XKR6: variants seen among roughly 807,000 people sequenced by gnomAD.
XKR6 encodes XK related 6.
A neutral mutation model predicts 56.7 loss-of-function variants in XKR6; 22 were observed. The observed-to-expected ratio is 0.39, with a 90% CI of 0.28 to 0.55. XKR6 has a LOEUF of 0.55. XKR6 is among the 20% of genes least tolerant of loss of function. The pLI is 0.66. For synonymous variants in XKR6, 524 were observed against 387.8 expected (o/e 1.35, Z -4.13); for missense variants, 852 against 889.0 (o/e 0.96, Z 0.53).
intron 1 of XKR6, among the ~76,000 whole-genome samples, chr8:11,144,608 G>C (rs1035505567): frequency 8.6e-5 from 13 of 151,972 alleles, no homozygotes; most frequent in African/African-American, 3.1e-4. Context: ...GTTACCTGTG[G>C]GTAACTGTCC....
At position 11,158,461 on chromosome 8, in the gene XKR6, C is replaced by T. The variant is rs1020872883; in HGVS notation, c.764+42115G>A. On this transcript the variant is annotated intron_variant, in intron 1 of 2. Transcript: ENST00000416569. ...AGGGCCTGGCAAGAAATCAGACAACCGGATTTTCACTCTGCTTCAGGAGCT... is the reference window on the plus strand; with the variant it reads ...AGGGCCTGGCAAGAAATCAGACAACTGGATTTTCACTCTGCTTCAGGAGCT... 1.1e-4 allele frequency among the ~76,000 whole-genome samples: 16 copies of T among 152,148 alleles called. No homozygotes were observed. The East Asian group carries it at 2.9e-3, about 27-fold the overall frequency.
At chr8:10,979,090 C>G (rs1015313989) in intron 1 of XKR6, among the ~76,000 whole-genome samples, 4 of 152,122 alleles carry the variant, frequency 2.6e-5, no homozygotes, top group African/African-American at 9.6e-5. Context: ...TTCAATGTCA[C>G]CTCCTCCTTG....
chr8:10,908,285 C>T (rs1227638745), intron 2 of XKR6, among the ~76,000 whole-genome samples: 1 of 152,132 alleles, frequency 6.6e-6, no homozygotes, highest in African/African-American at 2.4e-5. Flanking sequence ...TTGTAAACTG[C>T]AGCACGGCCA....
intron 1 of XKR6, among the ~76,000 whole-genome samples, chr8:10,957,107 T>C (rs10087376): frequency 0.18 from 28,001 of 152,084 alleles, 3,435 homozygotes; most frequent in African/African-American, 0.35. Flanking sequence ...CGTGCCACCA[T>C]GCCCGTTTAA....
chr8:10,903,832 G>C (rs190053678), intron 2 of XKR6, among the ~76,000 whole-genome samples: 1 of 152,150 alleles, frequency 6.6e-6, no homozygotes, highest in Non-Finnish European at 1.5e-5. Context: ...CGTGCGGACA[G>C]AACTGTGCAC....
chr8:10,901,325 G>T (rs569614742), intron 2 of XKR6, among the ~76,000 whole-genome samples: 1 of 152,156 alleles, frequency 6.6e-6, no homozygotes, highest in Admixed American at 6.5e-5. Context: ...CAATGTGCTG[G>T]AATTACAGGC....
At chr8:10,945,610 TG>T (rs1801511291) in intron 1 of XKR6, among the ~76,000 whole-genome samples, 2 of 152,250 alleles carry the variant, frequency 1.3e-5, no homozygotes, top group South Asian at 4.1e-4. Context: ...TTTGGTTTTT[TG>T]TTTATCTTTA....
intron 1 of XKR6, among the ~76,000 whole-genome samples, chr8:11,139,886 G>A (rs984310356): frequency 2.0e-5 from 3 of 152,094 alleles, no homozygotes; most frequent in African/African-American, 7.2e-5. Flanking sequence ...CCACAGACAA[G>A]GAAAGCACAC....
intron 1 of XKR6, among the ~76,000 whole-genome samples, chr8:11,156,227 A>C (rs1801512152): frequency 6.6e-6 from 1 of 152,190 alleles, no homozygotes; most frequent in Non-Finnish European, 1.5e-5. Flanking sequence ...TTCTTTGCAT[A>C]GGCCTTTGTC....
chr8:10,902,098 G>A (rs757261074), intron 2 of XKR6, among the ~76,000 whole-genome samples: 4 of 152,092 alleles, frequency 2.6e-5, no homozygotes, highest in Non-Finnish European at 5.9e-5. Flanking sequence ...TGTTTCAGCC[G>A]ACCAGGCACT....
intron 1 of XKR6, among the ~76,000 whole-genome samples, chr8:11,151,854 C>T (rs1046953948): frequency 6.6e-6 from 1 of 152,082 alleles, no homozygotes; most frequent in African/African-American, 2.4e-5. Flanking sequence ...AATTAATAAA[C>T]CTGTACTCAT....
At chr8:10,925,348 A>T (rs1459669072) in intron 1 of XKR6, among the ~76,000 whole-genome samples, 3 of 152,310 alleles carry the variant, frequency 2.0e-5, no homozygotes, top group Admixed American at 2.0e-4. Context: ...TATGGTTCTC[A>T]CATGATACAG....
intron 1 of XKR6, among the ~76,000 whole-genome samples, chr8:11,084,502 AAAG>A (rs540156495): frequency 1.3e-5 from 2 of 152,232 alleles, no homozygotes; most frequent in Non-Finnish European, 2.9e-5. Context: ...AAGGAAAAAA[AAAG>A]AAAATATTTA....
chr8:11,017,565 G>C (rs1236815259), intron 1 of XKR6, among the ~76,000 whole-genome samples: 1 of 152,246 alleles, frequency 6.6e-6, no homozygotes, highest in Non-Finnish European at 1.5e-5. Context: ...CTGTGGCTGG[G>C]TTCCGGCACT....
intron 1 of XKR6, among the ~76,000 whole-genome samples, chr8:10,985,794 TGG>T (rs1797849483): frequency 6.6e-6 from 1 of 152,182 alleles, no homozygotes; most frequent in South Asian, 2.1e-4. Flanking sequence ...GACTAATACA[TGG>T]GGTTGTGTCA....
At chr8:11,089,467 C>CA (rs1193976526) in intron 1 of XKR6, among the ~76,000 whole-genome samples, 1 of 151,900 alleles carries the variant, frequency 6.6e-6, no homozygotes, top group Admixed American at 6.6e-5. Context: ...CCCACCTCTA[C>CA]AAAAAAACTT....
At chr8:11,084,260 C>A (rs987303730) in intron 1 of XKR6, among the ~76,000 whole-genome samples, 8 of 152,232 alleles carry the variant, frequency 5.3e-5, no homozygotes, top group African/African-American at 1.9e-4. Context: ...AGTTGGAAAT[C>A]TGGTCAGAAC....
At chr8:10,993,244 A>G (rs964111021) in intron 1 of XKR6, among the ~76,000 whole-genome samples, 6 of 152,226 alleles carry the variant, frequency 3.9e-5, no homozygotes, top group African/African-American at 7.2e-5. Context: ...TTCAAGTCAC[A>G]TTGAATGCCT....
chr8:11,184,967 A>T (rs1462093107), intron 1 of XKR6, among the ~76,000 whole-genome samples: 1 of 152,236 alleles, frequency 6.6e-6, no homozygotes, highest in Non-Finnish European at 1.5e-5. Flanking sequence ...TTAGTTACAC[A>T]GTTGATAAGA....
Sources: allele counts gnomAD v4.1 joint callset (sites outside exome capture counted in the v4.1 genomes callset), GRCh38; gene constraint gnomAD v4.1.1; transcripts MANE v1.5; gene names NCBI Gene and HGNC (gene_info 2026-07-23, HGNC 2026-07-21).